ZFR: variants seen among roughly 807,000 people sequenced by gnomAD.
The protein encoded by ZFR is zinc finger RNA-binding protein.
A neutral mutation model predicts 130.7 loss-of-function variants in ZFR; 19 were observed. The ratio of observed to expected loss-of-function variants is 0.15; its 90% CI spans 0.10 to 0.21. ZFR has a LOEUF of 0.21. ZFR is among the 10% of genes least tolerant of loss of function. The pLI is 1.00. For missense variants in ZFR, 872 were observed against 1,321.5 expected, an observed-to-expected ratio of 0.66 and a Z score of 5.27; for synonymous variants, 466 against 456.9, an observed-to-expected ratio of 1.02 and a Z score of -0.25.
intron 2 of ZFR, among the ~76,000 whole-genome samples, chr5:32,440,664 C>T (rs11415027): frequency 6.7e-6 from 1 of 148,482 alleles, no homozygotes; most frequent in Non-Finnish European, 1.5e-5. Context: ...AAAAAAAAAA[C>T]AAAAAATACA....
Position 32,444,661 on chromosome 5 carries a change from G to A in ZFR, c.-3C>T. 6.6e-7 allele frequency: 1 copy of A among 1,510,664 alleles called. No individual in the cohort carries two copies. Among genetic ancestry groups the A allele is most frequent in the East Asian group, 2.8e-5 (1 of 35,430 alleles). 93.6% of individuals were successfully genotyped at this position (1,510,664 alleles called of 1,614,324 possible). ...ACTACAGGGCATATGGGAATCATGG[G>A]CTCGGGCTGCTGCTGCTGAACTCTG... is the stretch of plus-strand genomic sequence containing the variant. On this transcript the variant is annotated 5_prime_UTR_variant, in exon 1 of 20. Transcript: ENST00000265069.
intron 2 of ZFR, among the ~76,000 whole-genome samples, chr5:32,433,090 C>T (rs1271169912): frequency 6.6e-6 from 1 of 152,148 alleles, no homozygotes; most frequent in Admixed American, 6.6e-5. Context: ...CCTACCAACT[C>T]ACTAGAATGG....
intron 4 of ZFR, among the ~76,000 whole-genome samples, chr5:32,416,609 C>T (rs1271103663): frequency 3.0e-4 from 13 of 43,998 alleles, no homozygotes; most frequent in Non-Finnish European, 4.1e-4. Flanking sequence ...AGTGAAACTC[C>T]GTCTCAAAAA....
At chr5:32,357,654 A>G (rs1202576499) in intron 19 of ZFR, among the ~76,000 whole-genome samples, 1 of 152,204 alleles carries the variant, frequency 6.6e-6, no homozygotes, top group Non-Finnish European at 1.5e-5. Context: ...GAAATTTCCA[A>G]TAATATCCTT....
At chr5:32,442,890 A>T (rs1754504329) in intron 2 of ZFR, among the ~76,000 whole-genome samples, 1 of 152,170 alleles carries the variant, frequency 6.6e-6, no homozygotes, top group Non-Finnish European at 1.5e-5. Flanking sequence ...CAACTATATG[A>T]TGTTCCCAAC....
At chr5:32,413,201 C>G (rs1307793262) in intron 5 of ZFR, among the ~76,000 whole-genome samples, 3 of 143,208 alleles carry the variant, frequency 2.1e-5, no homozygotes, top group Admixed American at 7.0e-5. Context: ...TCAAAAAAAA[C>G]AAAACAAAAC....
At chr5:32,400,394 G>A (rs558994013) in intron 8 of ZFR, among the ~76,000 whole-genome samples, 191 bp from the exon 9 acceptor site, 1 of 152,192 alleles carries the variant, frequency 6.6e-6, no homozygotes, top group Non-Finnish European at 1.5e-5. Context: ...ATACGTTTCT[G>A]AATTTTTCTC....
At chr5:32,434,208 C>T (rs1223385794) in intron 2 of ZFR, among the ~76,000 whole-genome samples, 1 of 152,190 alleles carries the variant, frequency 6.6e-6, no homozygotes, top group Non-Finnish European at 1.5e-5. Context: ...GGCATATTTC[C>T]TTTTTAATCC....
At chr5:32,402,220 T>C (rs907433034) in intron 8 of ZFR, among the ~76,000 whole-genome samples, 3 of 151,986 alleles carry the variant, frequency 2.0e-5, no homozygotes, top group Admixed American at 6.6e-5. Context: ...AATGAACACA[T>C]AGGCAGGAGA....
chr5:32,393,085 T>C (rs1753218677), intron 11 of ZFR, among the ~76,000 whole-genome samples: 1 of 152,224 alleles, frequency 6.6e-6, no homozygotes, highest in Non-Finnish European at 1.5e-5. Context: ...AGGCAACATG[T>C]GTTATTCACC....
intron 12 of ZFR, among the ~76,000 whole-genome samples, chr5:32,389,337 ATTTC>A (rs756086704): frequency 9.2e-5 from 14 of 152,310 alleles, no homozygotes; most frequent in African/African-American, 3.4e-4. Context: ...ATAAGAATAA[ATTTC>A]TTTCTATTAA....
intron 17 of ZFR, among the ~76,000 whole-genome samples, chr5:32,365,506 A>T (rs1752522030): frequency 6.6e-6 from 1 of 152,112 alleles, no homozygotes; most frequent in Non-Finnish European, 1.5e-5. Context: ...AGTCACAATT[A>T]AAAAAATTAA....
intron 5 of ZFR, among the ~76,000 whole-genome samples, chr5:32,414,386 T>C (rs1259935547): frequency 2.6e-5 from 4 of 152,312 alleles, no homozygotes; most frequent in South Asian, 4.1e-4. Context: ...CAGCTAGAAA[T>C]TGGCAACAGC....
chr5:32,422,741 G>A (rs567032011), intron 2 of ZFR, among the ~76,000 whole-genome samples: 4 of 125,758 alleles, frequency 3.2e-5, no homozygotes, highest in East Asian at 2.6e-4. Context: ...TTGAGGCTAC[G>A]GTGAACCATG....
chr5:32,397,761 T>C (rs1313048880), intron 9 of ZFR, among the ~76,000 whole-genome samples: 2 of 151,762 alleles, frequency 1.3e-5, no homozygotes, highest in Non-Finnish European at 2.9e-5. Flanking sequence ...GGCCTATTAC[T>C]TTTTAAAAGG....
intron 2 of ZFR, among the ~76,000 whole-genome samples, chr5:32,428,309 G>C (rs945856698): frequency 6.6e-6 from 1 of 152,188 alleles, no homozygotes; most frequent in Non-Finnish European, 1.5e-5. Context: ...AGCTACTCAG[G>C]GGGCTGAGGC....
Position 32,364,167 on chromosome 5 carries a change from T to C in ZFR, c.2944A>G (p.Lys982Glu). 8 of 1,609,980 alleles carry C rather than the reference T, an allele frequency of 5.0e-6. No homozygotes were observed. The highest frequency in any genetic ancestry group is 6.8e-6 in the Non-Finnish European group (8 of 1,176,864). ...TTAAAAACAAAGTAAGAGTTACCTT[T>C]AAGAATAATCCCTGAAGAAATGCAT... is the stretch of plus-strand genomic sequence containing the variant. ...FECISSGIIL[K>E]GSPGLLDPCE... Residue 982 changes from lysine (K) to glutamate (E), a missense_variant, in exon 18 of 20, where the codon AAA becomes GAA. Physicochemically the swap from Lys to Glu is moderately conservative, Grantham distance 56. This residue lies in a region of ZFR where 158 missense variants were observed against 264.0 expected (regional missense o/e 0.60). Coordinates refer to ENST00000265069, the MANE Select transcript of ZFR (RefSeq NM_016107.5).
chr5:32,358,389 G>A (rs570509790), intron 19 of ZFR, among the ~76,000 whole-genome samples: 26 of 152,272 alleles, frequency 1.7e-4, no homozygotes, highest in Admixed American at 6.5e-4. Flanking sequence ...GGCCGGGCGC[G>A]GTGGCGCAAG....
chr5:32,433,204 T>C (rs188640850), intron 2 of ZFR, among the ~76,000 whole-genome samples: 1 of 152,354 alleles, frequency 6.6e-6, no homozygotes, highest in Admixed American at 6.5e-5. Context: ...ATTTCCCATC[T>C]GCGTCCACTG....
Sources: allele counts gnomAD v4.1 joint callset (sites outside exome capture counted in the v4.1 genomes callset), GRCh38; gene constraint gnomAD v4.1.1; regional missense constraint gnomAD v4.1.1; transcripts MANE v1.5; gene names NCBI Gene and HGNC (gene_info 2026-07-23, HGNC 2026-07-21).